Variants in CACHD1 observed in about 807,000 individuals in gnomAD.
The protein encoded by CACHD1 is VWFA and cache domain-containing protein 1.
A neutral mutation model predicts 138.7 loss-of-function variants in CACHD1; 71 were observed. The observed-to-expected ratio is 0.51, with a 90% CI of 0.42 to 0.62. The LOEUF is 0.62. Among genes scored for constraint, CACHD1 ranks in the 20% least tolerant of loss-of-function variants. The pLI, the probability that CACHD1 is intolerant of heterozygous loss-of-function variation, is 0.00. For synonymous variants in CACHD1, 578 were observed against 591.5 expected (o/e 0.98, Z 0.33); for missense variants, 1,389 against 1,625.3 (o/e 0.85, Z 2.50).
chr1:64,557,854 A>G (rs566221751), intron 2 of CACHD1, among the ~76,000 whole-genome samples: 1 of 152,144 alleles, frequency 6.6e-6, no homozygotes, highest in South Asian at 2.1e-4. Context: ...CCTGGAGTGC[A>G]ATGCAGCGAT....
intron 1 of CACHD1, among the ~76,000 whole-genome samples, chr1:64,525,322 G>T (rs866802939): frequency 6.6e-6 from 1 of 152,058 alleles, no homozygotes. Flanking sequence ...AGTTGCAAAA[G>T]AATTTCTCAA....
At chr1:64,482,643 C>T (rs1051240960) in intron 1 of CACHD1, among the ~76,000 whole-genome samples, 1 of 152,094 alleles carries the variant, frequency 6.6e-6, no homozygotes, top group Admixed American at 6.5e-5. Flanking sequence ...TTCACTGAAC[C>T]ATTTATGAAA....
intron 7 of CACHD1, among the ~76,000 whole-genome samples, chr1:64,634,674 C>T (rs1352804621): frequency 2.6e-5 from 4 of 152,008 alleles, no homozygotes; most frequent in South Asian, 2.1e-4. Context: ...CATGAGTCAC[C>T]GCGACCAGCG....
At chr1:64,476,128 C>T (rs1292059303) in intron 1 of CACHD1, among the ~76,000 whole-genome samples, 5 of 152,080 alleles carry the variant, frequency 3.3e-5, no homozygotes, top group Non-Finnish European at 7.4e-5. Context: ...GCAGCAGCAG[C>T]AGCAGCTTCA....
chr1:64,490,119 CT>C (rs941634546), intron 1 of CACHD1, among the ~76,000 whole-genome samples: 1 of 152,180 alleles, frequency 6.6e-6, no homozygotes, highest in African/African-American at 2.4e-5. Flanking sequence ...AATGTCGCCC[CT>C]GTCCACCGAT....
At chr1:64,512,175 C>G (rs967109502) in intron 1 of CACHD1, among the ~76,000 whole-genome samples, 5 of 152,060 alleles carry the variant, frequency 3.3e-5, no homozygotes, top group Non-Finnish European at 7.4e-5. Context: ...GGGTGGATCA[C>G]CTGAGGTCAG....
At chr1:64,664,023 C>T (rs531453959) in intron 14 of CACHD1, among the ~76,000 whole-genome samples, 186 bp downstream of exon 14, 7 of 152,198 alleles carry the variant, frequency 4.6e-5, no homozygotes, top group East Asian at 1.9e-4. Flanking sequence ...GAAGAAGCCC[C>T]GTGGGCCACA....
intron 6 of CACHD1, among the ~76,000 whole-genome samples, chr1:64,633,700 C>T (rs1648394572): frequency 6.6e-6 from 1 of 152,184 alleles, no homozygotes; most frequent in South Asian, 2.1e-4. Context: ...CACTCTCTTA[C>T]CCTCACCCCT....
chr1:64,614,655 G>T (rs1647647359), intron 4 of CACHD1, among the ~76,000 whole-genome samples: 2 of 152,214 alleles, frequency 1.3e-5, no homozygotes, highest in East Asian at 3.9e-4. Flanking sequence ...CTAGATACCG[G>T]CTGGGCATCT....
intron 1 of CACHD1, among the ~76,000 whole-genome samples, chr1:64,514,459 A>G (rs1646444460): frequency 6.6e-6 from 1 of 152,196 alleles, no homozygotes; most frequent in Non-Finnish European, 1.5e-5. Flanking sequence ...TTGTAGCTCG[A>G]TATAAAAGTC....
chr1:64,643,070 A>AAAAAC (rs1648780198), intron 8 of CACHD1, among the ~76,000 whole-genome samples: 1 of 124,618 alleles, frequency 8.0e-6, no homozygotes, highest in Non-Finnish European at 1.7e-5. Context: ...AAAAAAAAAA[A>AAAAAC]AGCCATGTCT....
At chr1:64,666,596 G>A (rs1379047264) in intron 16 of CACHD1, among the ~76,000 whole-genome samples, 1 of 152,014 alleles carries the variant, frequency 6.6e-6, no homozygotes. Context: ...AGAAAAACGG[G>A]GTGGGTTCAT....
At chr1:64,566,573 A>G (rs910685068) in intron 2 of CACHD1, among the ~76,000 whole-genome samples, 3 of 145,416 alleles carry the variant, frequency 2.1e-5, no homozygotes, top group African/African-American at 7.5e-5. Flanking sequence ...TCCCCTAGCA[A>G]TTCCTCTTAT....
intron 3 of CACHD1, among the ~76,000 whole-genome samples, chr1:64,592,865 G>A (rs1647118988): frequency 6.6e-6 from 1 of 152,114 alleles, no homozygotes; most frequent in Admixed American, 6.5e-5. Context: ...AGGTACAAAA[G>A]CAAAGACGTC....
intron 2 of CACHD1, among the ~76,000 whole-genome samples, chr1:64,552,250 G>A (rs1327296000): frequency 6.6e-6 from 1 of 151,712 alleles, no homozygotes; most frequent in East Asian, 1.9e-4. Context: ...TATACCTGCT[G>A]ACTGAGCACT....
rs1295891657 is a variant in CACHD1 at position 64,556,390 on chromosome 1, T to G, written c.261+5734T>G. On this transcript the variant is annotated intron_variant, in intron 2 of 26. Transcript: ENST00000651257. ...CAACCTTTAGGTGAAAGGGAACCGTTTCTTTATGCTTGGTTTTGTATATTT... is the reference window on the plus strand; with the variant it reads ...CAACCTTTAGGTGAAAGGGAACCGTGTCTTTATGCTTGGTTTTGTATATTT... Among the ~76,000 whole-genome samples, 3 of 152,184 alleles carry G rather than the reference T, an allele frequency of 2.0e-5. No individual in the cohort carries two copies. The East Asian group carries it at 5.8e-4, about 29-fold the overall frequency.
At chr1:64,548,968 A>G (rs2196537) in intron 1 of CACHD1, among the ~76,000 whole-genome samples, 88,396 of 152,130 alleles carry the variant, frequency 0.58, 30,851 homozygotes, top group Non-Finnish European at 0.75. Context: ...TAGGAGCGCC[A>G]GATCTGAAGT....
At chr1:64,472,176 A>G (rs1646149357) in intron 1 of CACHD1, among the ~76,000 whole-genome samples, 1 of 92,838 alleles carries the variant, frequency 1.1e-5, no homozygotes. Context: ...TAGGTTTCTT[A>G]CTTCTTTCTT....
chr1:64,507,485 T>C (rs1557466868), intron 1 of CACHD1, among the ~76,000 whole-genome samples: 3 of 152,244 alleles, frequency 2.0e-5, no homozygotes, highest in Admixed American at 6.5e-5. Context: ...TTGATGTTGT[T>C]GTTATTTTAC....
Sources: allele counts gnomAD v4.1 joint callset (sites outside exome capture counted in the v4.1 genomes callset), GRCh38; gene constraint gnomAD v4.1.1; transcripts MANE v1.5; gene names NCBI Gene and HGNC (gene_info 2026-07-23, HGNC 2026-07-21).